Variants in AGBL5 observed in about 807,000 individuals in gnomAD.
AGBL5 encodes the protein cytosolic carboxypeptidase-like protein 5.
Under a neutral mutation model 88.0 loss-of-function variants are expected in AGBL5, and 51 were observed. The ratio of observed to expected loss-of-function variants is 0.58; its 90% CI spans 0.46 to 0.73. The LOEUF (loss-of-function observed/expected upper bound fraction) is 0.73, where lower values mean the gene tolerates loss of function less well. AGBL5 is among the 30% of genes least tolerant of loss of function. AGBL5 has a pLI of 0.00. For synonymous variants in AGBL5, 446 were observed against 438.8 expected (o/e 1.02, Z -0.21); for missense variants, 1,031 against 1,162.2 (o/e 0.89, Z 1.64).
chr2:27,052,565 T>A (rs565828173), intron 1 of AGBL5: 2 of 157,414 alleles, frequency 1.3e-5, no homozygotes, highest in East Asian at 3.8e-4. Context: ...TTGGCTAGGT[T>A]TGGAAAATCT....
intron 13 of AGBL5, 22 bp downstream of exon 13, chr2:27,068,766 C>T (rs1669120465): frequency 1.2e-6 from 2 of 1,613,012 alleles, no homozygotes; most frequent in East Asian, 4.5e-5. Flanking sequence ...GGGTCTCCAG[C>T]ATAGCTACTC....
intron 10 of AGBL5, among the ~76,000 whole-genome samples, chr2:27,058,880 C>T (rs541431891): frequency 1.4e-4 from 22 of 152,204 alleles, no homozygotes; most frequent in Admixed American, 2.6e-4. Context: ...TGCAGTGGGG[C>T]AGGCCTCAGC....
chr2:27,067,747 T>C, intron 12 of AGBL5, 101 bp downstream of exon 12: 1 of 1,361,266 alleles, frequency 7.3e-7, no homozygotes, highest in Non-Finnish European at 1.1e-6. Flanking sequence ...TCACTTATCC[T>C]CTTGGTATCC....
intron 13 of AGBL5, chr2:27,069,043 C>T (rs1305722797): frequency 2.2e-6 from 3 of 1,382,652 alleles, no homozygotes; most frequent in Non-Finnish European, 2.9e-6. Context: ...TCTCTTTCTG[C>T]CCAGACCTGT....
At chr2:27,050,921 A>C (rs767222460), upstream of AGBL5, 1 of 152,204 alleles carries the variant, frequency 6.6e-6, no homozygotes, top group East Asian at 1.9e-4. Flanking sequence ...CCATAAGGGG[A>C]AAGGCTTGGA....
intron 4 of AGBL5, 102 bp from the exon 5 acceptor site, chr2:27,054,528 A>G (rs1365957636): frequency 5.3e-6 from 6 of 1,132,764 alleles, no homozygotes; most frequent in South Asian, 3.0e-5. Flanking sequence ...CCCAAAGGTT[A>G]GGGTGAAGGA....
chr2:27,055,926 A>G lies in AGBL5; in HGVS notation c.1153A>G (p.Asn385Asp), dbSNP rs757938018. The change falls in exon 7 of 15, where the codon AAC (asparagine) becomes GAC (aspartate). Residue 385 changes from asparagine (N) to aspartate (D), a missense_variant. By Grantham distance (23) the Asn-to-Asp change is conservative. Transcript: ENST00000360131. Reference protein sequence around the residue: ...AQCGHSADRHNAEAWKQTEPA... With the variant: ...AQCGHSADRHDAEAWKQTEPA... Reference sequence around the variant, plus strand: ...GTGTGGGCACTCAGCTGACAGGCATAACGCTGAAGCCTGGAAACAAACAGA... The same window carrying G: ...GTGTGGGCACTCAGCTGACAGGCATGACGCTGAAGCCTGGAAACAAACAGA... 42 of 1,614,124 alleles carry G rather than the reference A, an allele frequency of 2.6e-5. No individual in the cohort carries two copies. Among genetic ancestry groups the G allele is most frequent in the Non-Finnish European group, 3.4e-5 (40 of 1,180,048 alleles).
chr2:27,059,612 A>C (rs1160135755), intron 11 of AGBL5: 4 of 1,220,878 alleles, frequency 3.3e-6, no homozygotes, highest in South Asian at 3.2e-5. Context: ...CAGAGGGGGA[A>C]GTCTGGGTAT....
Position 27,053,643 on chromosome 2 carries a change from T to A in AGBL5, c.387+70T>A, listed in dbSNP as rs1357028554. ...TAGAGAGGAAAGTAAAGCGTTTTTT[T>A]TTCCTTGATACAAGTATGAAGCAGG... On this transcript the variant is annotated intron_variant, in intron 3 of 14. Transcript: ENST00000360131. The surrounding 1 kb of genome is among the most constrained non-coding windows in gnomAD (Gnocchi z 4.9). 6.5e-7 allele frequency: 1 copy of A among 1,538,168 alleles called. No individual in the cohort carries two copies.
At position 27,068,682 on chromosome 2, in the gene AGBL5, G is replaced by C; in HGVS notation, c.2293G>C (p.Val765Leu). ...SSGDKPEAVM[V>L]IGKGLLGTGA... ...TGGAGACAAACCAGAGGCTGTCATG[G>C]TAATCGGGAAAGGTCTGCTAGGGAC... is the stretch of plus-strand genomic sequence containing the variant. Residue 765 changes from valine (V) to leucine (L), a missense_variant, in exon 13 of 15, where the codon GTA becomes CTA. Transcript: ENST00000360131. The C allele has an allele frequency of 6.2e-7, 1 of 1,614,132 alleles. No homozygotes were observed. The highest frequency in any genetic ancestry group is 8.5e-7 in the Non-Finnish European group (1 of 1,180,030).
Position 27,070,506 on chromosome 2 carries a change from A to AT in AGBL5, c.*245dup. 4 of 488,376 alleles carry AT rather than the reference A, an allele frequency of 8.2e-6. No homozygotes were observed. In the South Asian group the frequency reaches 1.3e-4, roughly 16 times the overall value. 30.3% of individuals were successfully genotyped at this position (488,376 alleles called of 1,614,324 possible). A position where few individuals can be genotyped will look rare whatever the true frequency, so the allele number is the denominator to read the frequency against. ...CACAAAAAAAAGTCTATATTTTTAT[A>AT]TTGGGGGGAGGGAGTAGAAAAGCAA... On this transcript the variant is annotated 3_prime_UTR_variant, in exon 15 of 15. Coordinates refer to ENST00000360131, the MANE Select transcript of AGBL5 (RefSeq NM_021831.6).
upstream of AGBL5, among the ~76,000 whole-genome samples, chr2:27,050,596 C>G (rs1668029824): frequency 6.6e-6 from 1 of 152,240 alleles, no homozygotes; most frequent in Admixed American, 6.5e-5. Context: ...TCCGTTCTGG[C>G]CTGAGAACCC....
rs372230466 is a variant in AGBL5, at chr2:27,064,334, C to T, written c.2090-3160C>T. On this transcript the variant is annotated intron_variant, in intron 11 of 14. Transcript: ENST00000360131. ...TTTTTTTGAGACAGTCTCGCTCTGTCACCCAGGCTGGAGTGCAGTGGCGTG... is the reference window on the plus strand; with the variant it reads ...TTTTTTTGAGACAGTCTCGCTCTGTTACCCAGGCTGGAGTGCAGTGGCGTG... 8.7e-5 allele frequency among the ~76,000 whole-genome samples: 13 copies of T among 150,032 alleles called. No homozygotes were observed. In the East Asian group the frequency reaches 2.5e-3, roughly 29 times the overall value.
At chr2:27,059,444 G>A (rs1460731815) in intron 11 of AGBL5, 40 bp downstream of exon 11, 2 of 1,611,042 alleles carry the variant, frequency 1.2e-6, no homozygotes, top group South Asian at 2.2e-5. Context: ...GTGTTCGGTT[G>A]TCTGGGGCAT....
At chr2:27,055,647 C>T in intron 6 of AGBL5, 35 bp from the exon 7 acceptor site, 1 of 1,589,480 alleles carries the variant, frequency 6.3e-7, no homozygotes, top group South Asian at 1.1e-5. Context: ...TGGCCCAGTC[C>T]TCTAGAACCT....
intron 7 of AGBL5, 36 bp from the exon 8 acceptor site, chr2:27,056,587 T>C (rs1044132895): frequency 1.3e-6 from 2 of 1,562,196 alleles, no homozygotes; most frequent in African/African-American, 2.7e-5. Context: ...GTCCCTTCTG[T>C]CTCTCCTTCT....
At chr2:27,054,328 GCATTATGTGACT>G in intron 4 of AGBL5, 1 of 552,424 alleles carries the variant, frequency 1.8e-6, no homozygotes, top group Non-Finnish European at 3.1e-6. Context: ...AGTTTAGCCA[GCATTATGTGACT>G]CAGTATACCT....
In AGBL5 at chr2:27,059,172, G is replaced by C. The variant is rs1300572605; in HGVS notation, c.1875-18G>C. The C allele has an allele frequency of 6.2e-7, 1 of 1,609,072 alleles. No homozygotes were observed. Among genetic ancestry groups the C allele is most frequent in the Non-Finnish European group, 8.5e-7 (1 of 1,177,052 alleles). ...CAACCTTCCTGGCCCGGGTTAACTG[G>C]CATCTGCTTCTTTGCAGTGGGTTGC... is the stretch of plus-strand genomic sequence containing the variant. On this transcript the variant is annotated intron_variant, in intron 10 of 14. Transcript: ENST00000360131.
At chr2:27,057,541 C>G (rs1668499699) in intron 9 of AGBL5, 103 bp downstream of exon 9, 1 of 1,321,660 alleles carries the variant, frequency 7.6e-7, no homozygotes, top group Non-Finnish European at 1.0e-6. Flanking sequence ...AGATATTCAT[C>G]ACTATGGCCG....
Sources: allele counts gnomAD v4.1 joint callset (sites outside exome capture counted in the v4.1 genomes callset), GRCh38; gene constraint gnomAD v4.1.1; non-coding constraint Gnocchi (gnomAD v3.1); transcripts MANE v1.5; gene names NCBI Gene and HGNC (gene_info 2026-07-23, HGNC 2026-07-21).